The following STK33 variants were observed in gnomAD, a reference collection of about 807,000 sequenced individuals.
STK33 encodes the protein serine/threonine-protein kinase 33.
STK33 carries 52 observed loss-of-function variants against 58.0 expected under a neutral mutation model. The observed-to-expected ratio is 0.90, with a 90% CI of 0.72 to 1.13. STK33 has a LOEUF of 1.13. Among genes scored for constraint, STK33 ranks in the 50% most tolerant of loss-of-function variants. The pLI is 0.00. For synonymous variants in STK33, 215 were observed against 200.1 expected, an observed-to-expected ratio of 1.07 and a Z score of -0.63; for missense variants, 630 against 604.2, an observed-to-expected ratio of 1.04 and a Z score of -0.45.
chr11:8,481,434 A>G (rs905663986), intron 1 of STK33, among the ~76,000 whole-genome samples: 1 of 152,256 alleles, frequency 6.6e-6, no homozygotes. Flanking sequence ...ACGTCCATTA[A>G]GTAAGGATTA....
At chr11:8,572,685 C>CT (rs1305754005) in intron 1 of STK33, among the ~76,000 whole-genome samples, 1 of 152,064 alleles carries the variant, frequency 6.6e-6, no homozygotes, top group Non-Finnish European at 1.5e-5. Flanking sequence ...TCTGAAGTCA[C>CT]TGTGATTACA....
chr11:8,589,270 C>A, intron 1 of STK33, among the ~76,000 whole-genome samples: 1 of 152,074 alleles, frequency 6.6e-6, no homozygotes, highest in East Asian at 1.9e-4. Context: ...CCCAAATGGT[C>A]ATCAACTGAT....
intron 1 of STK33, among the ~76,000 whole-genome samples, chr11:8,573,344 C>A (rs1957952838): frequency 6.6e-6 from 1 of 152,150 alleles, no homozygotes; most frequent in Admixed American, 6.5e-5. Flanking sequence ...AGATGACCAA[C>A]ATCATTAGGC....
At chr11:8,508,088 A>G (rs529281483) in intron 1 of STK33, among the ~76,000 whole-genome samples, 1 of 151,884 alleles carries the variant, frequency 6.6e-6, no homozygotes, top group African/African-American at 2.4e-5. Flanking sequence ...ACGGGTTTTC[A>G]CCATGTTAGC....
At chr11:8,414,648 G>A (rs1474683753) in intron 14 of STK33, among the ~76,000 whole-genome samples, 2 of 152,106 alleles carry the variant, frequency 1.3e-5, no homozygotes, top group South Asian at 4.1e-4. Context: ...TAAAGACATA[G>A]ACAAACACTA....
chr11:8,490,639 T>C (rs1172568012), intron 1 of STK33, among the ~76,000 whole-genome samples: 1 of 152,152 alleles, frequency 6.6e-6, no homozygotes, highest in Non-Finnish European at 1.5e-5. Context: ...GACCCCTGTG[T>C]AGCCTAACTG....
At chr11:8,414,383 T>C (rs1940801761) in intron 14 of STK33, among the ~76,000 whole-genome samples, 1 of 152,100 alleles carries the variant, frequency 6.6e-6, no homozygotes, top group Non-Finnish European at 1.5e-5. Flanking sequence ...TCCTGCTTGA[T>C]TAGGTGTGTC....
chr11:8,447,085 T>A (rs1375381284), intron 11 of STK33, among the ~76,000 whole-genome samples: 1 of 152,150 alleles, frequency 6.6e-6, no homozygotes, highest in African/African-American at 2.4e-5. Context: ...AAAGGGCTAA[T>A]ATCCAGAATT....
chr11:8,338,256 G>C, the STK33 span, among the ~76,000 whole-genome samples: 15 of 152,172 alleles, frequency 9.9e-5, no homozygotes, highest in African/African-American at 3.6e-4. Context: ...CGCCACACAG[G>C]ATGCCCAGCC....
chr11:8,372,164 G>A, the STK33 span, among the ~76,000 whole-genome samples: 9 of 152,094 alleles, frequency 5.9e-5, no homozygotes, highest in African/African-American at 1.4e-4. Context: ...CACCATGCCC[G>A]GCCAAGAAGT....
chr11:8,342,374 T>C, the STK33 span, among the ~76,000 whole-genome samples: 1 of 152,162 alleles, frequency 6.6e-6, no homozygotes, highest in African/African-American at 2.4e-5. Flanking sequence ...TTAGTCGGAG[T>C]CTGGGTTTCT....
intron 15 of STK33, among the ~76,000 whole-genome samples, chr11:8,396,694 A>T (rs1849406731): frequency 6.6e-6 from 1 of 152,226 alleles, no homozygotes; most frequent in South Asian, 2.1e-4. Flanking sequence ...GCAAGGGGTC[A>T]GGGAATTCCC....
At chr11:8,415,506 T>C (rs1006268564) in intron 14 of STK33, among the ~76,000 whole-genome samples, 1 of 152,070 alleles carries the variant, frequency 6.6e-6, no homozygotes, top group Non-Finnish European at 1.5e-5. Flanking sequence ...TACAGAAGCA[T>C]AGAGATGGAG....
chr11:8,457,830 G>A lies in STK33; in HGVS notation c.559-351C>T, dbSNP rs528956137. On this transcript the variant is annotated intron_variant, in intron 8 of 15. Coordinates refer to ENST00000687296, the MANE Select transcript of STK33 (RefSeq NM_001352389.2). ...ATGTCTGAATAGGGATTTATAGATA[G>A]AGAATGTGGGAAAGAATAGGCAGAG... 2.0e-4 allele frequency among the ~76,000 whole-genome samples: 30 copies of A among 152,296 alleles called. No individual in the cohort carries two copies. The South Asian group carries it at 6.0e-3, about 30-fold the overall frequency.
intron 1 of STK33, among the ~76,000 whole-genome samples, chr11:8,521,396 A>G (rs993765352): frequency 6.6e-6 from 1 of 152,364 alleles, no homozygotes; most frequent in East Asian, 1.9e-4. Flanking sequence ...TATTTAATAA[A>G]TGGTGCTGGG....
intron 1 of STK33, among the ~76,000 whole-genome samples, chr11:8,520,369 A>G (rs1479825167): frequency 6.6e-6 from 1 of 152,186 alleles, no homozygotes; most frequent in East Asian, 1.9e-4. Context: ...TATTTATGAC[A>G]AACCCACAGC....
chr11:8,375,722 T>C, the STK33 span, among the ~76,000 whole-genome samples: 2 of 152,114 alleles, frequency 1.3e-5, no homozygotes, highest in Non-Finnish European at 2.9e-5. Flanking sequence ...GATGGTTTTA[T>C]AGAGGGCTCT....
intron 12 of STK33, among the ~76,000 whole-genome samples, chr11:8,438,891 G>A (rs780509539): frequency 1.3e-5 from 2 of 152,112 alleles, no homozygotes; most frequent in Non-Finnish European, 2.9e-5. Flanking sequence ...AAAACTTTTT[G>A]AATACTTTTA....
the STK33 span, among the ~76,000 whole-genome samples, chr11:8,357,534 C>A: frequency 1.3e-5 from 2 of 152,246 alleles, no homozygotes; most frequent in Non-Finnish European, 2.9e-5. Context: ...TTGTGCCGGG[C>A]ATAATTGGGC....
Sources: gnomAD v4.1 joint callset for allele counts (sites outside exome capture counted in the v4.1 genomes callset) on GRCh38, gnomAD v4.1.1 for gene constraint, MANE v1.5 for transcripts, NCBI Gene and HGNC (gene_info 2026-07-23, HGNC 2026-07-21) for gene names.